GRM7: variants seen among roughly 807,000 people sequenced by gnomAD.
GRM7 encodes metabotropic glutamate receptor 7.
A neutral mutation model predicts 84.5 loss-of-function variants in GRM7; 35 were observed. The observed-to-expected ratio is 0.41, with a 90% confidence interval of 0.32 to 0.55. The LOEUF (loss-of-function observed/expected upper bound fraction) is 0.55, where lower values mean the gene tolerates loss of function less well. Among genes scored for constraint, GRM7 ranks in the 20% least tolerant of loss-of-function variants. GRM7 has a pLI of 0.19. For synonymous variants in GRM7, 487 were observed against 455.1 expected (o/e 1.07, Z -0.89); for missense variants, 1,003 against 1,194.6 (o/e 0.84, Z 2.36).
chr3:7,285,957 A>G (rs953916104), intron 2 of GRM7, among the ~76,000 whole-genome samples: 2 of 152,184 alleles, frequency 1.3e-5, no homozygotes, highest in African/African-American at 4.8e-5. Context: ...TCCACACACC[A>G]CATATGAATA....
chr3:7,175,077 G>T (rs548822080), intron 2 of GRM7, among the ~76,000 whole-genome samples: 1 of 152,310 alleles, frequency 6.6e-6, no homozygotes, highest in African/African-American at 2.4e-5. Flanking sequence ...AAAAGGAGAT[G>T]AATGGAGAAA....
chr3:7,276,568 C>T (rs1007905520), intron 2 of GRM7, among the ~76,000 whole-genome samples: 3 of 151,538 alleles, frequency 2.0e-5, no homozygotes, highest in Non-Finnish European at 4.4e-5. Flanking sequence ...GCGGTGGTGT[C>T]GATGACTAAT....
intron 1 of GRM7, among the ~76,000 whole-genome samples, chr3:7,131,858 G>C (rs1693612488): frequency 6.6e-6 from 1 of 152,112 alleles, no homozygotes; most frequent in Non-Finnish European, 1.5e-5. Context: ...TTTAGACGGG[G>C]ATCAATTTTG....
chr3:7,556,836 A>T (rs1693787865), intron 7 of GRM7, among the ~76,000 whole-genome samples: 1 of 152,116 alleles, frequency 6.6e-6, no homozygotes, highest in Non-Finnish European at 1.5e-5. Context: ...AGGATGGAGG[A>T]GGAGCTAACT....
chr3:7,403,204 A>T, intron 4 of GRM7: 1 of 444,154 alleles, frequency 2.3e-6, no homozygotes, highest in South Asian at 1.6e-5. Flanking sequence ...TGCTGAATTG[A>T]TTAATAATTG....
rs1347884013 is a variant in GRM7 at position 6,863,498 on chromosome 3, T to G, written c.519+1591T>G. 6.6e-6 allele frequency among the ~76,000 whole-genome samples: 1 copy of G among 152,166 alleles called. No individual in the cohort carries two copies. The highest frequency in any genetic ancestry group is 1.5e-5 in the Non-Finnish European group (1 of 68,030). On this transcript the variant is annotated intron_variant, in intron 1 of 9. Transcript: ENST00000357716. This position sits in a 1 kb window ranked among gnomAD's most constrained non-coding sequence, Gnocchi z 4.8. ...GCTGCAGCTTGCATGGCCCCTCTGA[T>G]CCTCTGAGCATCTCTGACACTTCCT...
At chr3:7,286,542 TA>T (rs2125003998) in intron 2 of GRM7, among the ~76,000 whole-genome samples, 1 of 152,320 alleles carries the variant, frequency 6.6e-6, no homozygotes, top group South Asian at 2.1e-4. Context: ...TTTCATTTAC[TA>T]AATTTCAATA....
intron 2 of GRM7, among the ~76,000 whole-genome samples, chr3:7,148,626 T>C (rs1185067672): frequency 6.6e-6 from 1 of 152,216 alleles, no homozygotes; most frequent in Non-Finnish European, 1.5e-5. Flanking sequence ...TGTTTATTCC[T>C]GGTGTCATTT....
chr3:7,038,676 A>G (rs1267375331), intron 1 of GRM7, among the ~76,000 whole-genome samples: 2 of 152,214 alleles, frequency 1.3e-5, no homozygotes, highest in Non-Finnish European at 2.9e-5. Flanking sequence ...AGCCTGCCAC[A>G]CAATGATACA....
rs560502494 is a variant in GRM7 at position 7,494,041 on chromosome 3, T to G, written c.1515+32319T>G. On this transcript the variant is annotated intron_variant, in intron 7 of 9. Coordinates refer to ENST00000357716, the MANE Select transcript of GRM7 (RefSeq NM_000844.4). ...TCATCAAATGTGATTTAGAAACTTA[T>G]GATAAAAATGATAGACTATTTTATG... Among the ~76,000 whole-genome samples, 3 of 152,282 alleles carry G rather than the reference T, an allele frequency of 2.0e-5. No homozygotes were observed. The South Asian group carries it at 6.2e-4, about 32-fold the overall frequency.
At chr3:7,234,282 G>C (rs1043752935) in intron 2 of GRM7, among the ~76,000 whole-genome samples, 1 of 152,172 alleles carries the variant, frequency 6.6e-6, no homozygotes, top group African/African-American at 2.4e-5. Flanking sequence ...TCTCTTTGGT[G>C]TTAATTATTA....
intron 1 of GRM7, among the ~76,000 whole-genome samples, chr3:6,912,121 T>A (rs550121228): frequency 6.6e-6 from 1 of 152,276 alleles, no homozygotes; most frequent in South Asian, 2.1e-4. Flanking sequence ...TATTAAGTAT[T>A]TTGAATATCA....
intron 8 of GRM7, among the ~76,000 whole-genome samples, chr3:7,594,432 A>T (rs1024521326): frequency 6.6e-6 from 1 of 152,142 alleles, no homozygotes; most frequent in Non-Finnish European, 1.5e-5. Flanking sequence ...CCAGTCTGCT[A>T]GGTACTAGGG....
At chr3:7,122,023 G>A (rs939559021) in intron 1 of GRM7, among the ~76,000 whole-genome samples, 2 of 152,154 alleles carry the variant, frequency 1.3e-5, no homozygotes, top group Admixed American at 6.5e-5. Context: ...AAGGGTTGCC[G>A]TGACCAAATG....
At chr3:7,106,808 A>G (rs1302486965) in intron 1 of GRM7, among the ~76,000 whole-genome samples, 2 of 152,030 alleles carry the variant, frequency 1.3e-5, no homozygotes, top group African/African-American at 4.8e-5. Context: ...TGCGTTTTCT[A>G]TTTACAATGG....
intron 8 of GRM7, among the ~76,000 whole-genome samples, chr3:7,611,126 T>C (rs964578451): frequency 6.6e-5 from 10 of 152,136 alleles, no homozygotes; most frequent in Admixed American, 2.0e-4. Context: ...TTCTGCACAT[T>C]AGTTAAGTTT....
chr3:7,219,304 A>G (rs1057332684), intron 2 of GRM7, among the ~76,000 whole-genome samples: 4 of 152,032 alleles, frequency 2.6e-5, no homozygotes, highest in Non-Finnish European at 5.9e-5. Flanking sequence ...CACCTGGGAG[A>G]TCTGTTCCCA....
chr3:7,389,113 TG>T (rs1245686572), intron 4 of GRM7, among the ~76,000 whole-genome samples: 6 of 152,192 alleles, frequency 3.9e-5, no homozygotes, highest in Non-Finnish European at 8.8e-5. Context: ...TTTTTATCTC[TG>T]CCTTAATTTC....
intron 8 of GRM7, among the ~76,000 whole-genome samples, chr3:7,655,645 G>T (rs1406605126): frequency 1.3e-5 from 2 of 152,198 alleles, no homozygotes; most frequent in African/African-American, 4.8e-5. Flanking sequence ...GGATCTGAGG[G>T]TGAGGCATCT....
Sources: gnomAD v4.1 joint callset for allele counts (sites outside exome capture counted in the v4.1 genomes callset) on GRCh38, gnomAD v4.1.1 for gene constraint, Gnocchi (gnomAD v3.1) non-coding constraint, MANE v1.5 for transcripts, NCBI Gene and HGNC (gene_info 2026-07-23, HGNC 2026-07-21) for gene names.